The following LHPP variants were observed in gnomAD, a reference collection of about 807,000 sequenced individuals.
LHPP encodes the protein phospholysine phosphohistidine inorganic pyrophosphate phosphatase, also known as hLHPP.
In LHPP, 24 loss-of-function variants were observed where a neutral mutation model predicts 30.3. That is an observed-to-expected ratio of 0.79 (90% CI 0.57 to 1.11). LHPP has a LOEUF of 1.11. Among genes scored for constraint, LHPP ranks in the 50% most tolerant of loss-of-function variants. The probability of loss-of-function intolerance (pLI) is 0.00; values close to 1 mark genes in which losing one functional copy is unlikely to be tolerated. For synonymous variants in LHPP, 150 were observed against 157.1 expected (o/e 0.95, Z 0.34); for missense variants, 356 against 367.2 (o/e 0.97, Z 0.25).
At chr10:124,487,377 T>C (rs1953365214) in intron 2 of LHPP, among the ~76,000 whole-genome samples, 1 of 152,236 alleles carries the variant, frequency 6.6e-6, no homozygotes, top group Non-Finnish European at 1.5e-5. Context: ...TATCAGTCTT[T>C]TTAATTCTCA....
At chr10:124,597,446 T>A (rs888931986) in intron 6 of LHPP, among the ~76,000 whole-genome samples, 1 of 152,230 alleles carries the variant, frequency 6.6e-6, no homozygotes, top group Non-Finnish European at 1.5e-5. Context: ...TCAGTGTCAC[T>A]GCCACCTGTC....
intron 5 of LHPP, among the ~76,000 whole-genome samples, chr10:124,499,734 A>G (rs945202224): frequency 3.9e-5 from 6 of 151,986 alleles, no homozygotes; most frequent in Admixed American, 3.9e-4. Context: ...CAGCAGAAGC[A>G]TGGGTTGGGG....
At chr10:124,569,942 C>T (rs990202714) in intron 6 of LHPP, among the ~76,000 whole-genome samples, 4 of 152,196 alleles carry the variant, frequency 2.6e-5, no homozygotes, top group Admixed American at 6.5e-5. Flanking sequence ...GAAGTTTCCC[C>T]GTGCCCCTTC....
intron 1 of LHPP, among the ~76,000 whole-genome samples, chr10:124,476,155 T>C (rs917756736): frequency 4.6e-5 from 7 of 152,042 alleles, no homozygotes; most frequent in Non-Finnish European, 8.8e-5. Flanking sequence ...CTTGACCTCA[T>C]TGCCGTCCCG....
At chr10:124,564,917 A>T (rs2133974389) in intron 6 of LHPP, among the ~76,000 whole-genome samples, 1 of 152,306 alleles carries the variant, frequency 6.6e-6, no homozygotes, top group East Asian at 1.9e-4. Flanking sequence ...GGAATGGAAA[A>T]CCAAACATCT....
chr10:124,463,820 CTTTTT>C (rs35122241), intron 1 of LHPP, among the ~76,000 whole-genome samples: 7 of 120,768 alleles, frequency 5.8e-5, no homozygotes, highest in Non-Finnish European at 8.6e-5. Context: ...ATTTTTTTTT[CTTTTT>C]TTTTTTTTTT....
In LHPP at chr10:124,571,946, G is replaced by C. The variant is rs1005601461; in HGVS notation, c.717-41318G>C. On this transcript the variant is annotated intron_variant, in intron 6 of 6. Transcript: ENST00000368842. ...GAGATTTGAACCAAGACCTAGGGGG[G>C]TGAGTGAGGGGTTGGGGAAGGGAGA... Among the ~76,000 whole-genome samples, 6 of 152,338 alleles carry C rather than the reference G, an allele frequency of 3.9e-5. No homozygotes were observed. In the South Asian group the frequency reaches 6.2e-4, roughly 16 times the overall value.
chr10:124,488,210 C>G (rs1035197408), intron 2 of LHPP, among the ~76,000 whole-genome samples: 2 of 152,138 alleles, frequency 1.3e-5, no homozygotes, highest in African/African-American at 4.8e-5. Flanking sequence ...CCACCTTTCT[C>G]CTCATAAGCC....
chr10:124,555,002 A>G (rs899010851), intron 6 of LHPP, among the ~76,000 whole-genome samples: 2 of 152,220 alleles, frequency 1.3e-5, no homozygotes, highest in African/African-American at 2.4e-5. Flanking sequence ...TGCGGCTGGC[A>G]TTTTAGTCTC....
Position 124,552,251 on chromosome 10 carries a change from G to A in LHPP, c.716+34980G>A, listed in dbSNP as rs377755132. 1.4e-4 allele frequency among the ~76,000 whole-genome samples: 21 copies of A among 152,214 alleles called. No homozygotes were observed. In the East Asian group the frequency reaches 2.7e-3, roughly 20 times the overall value. On this transcript the variant is annotated intron_variant, in intron 6 of 6. Coordinates refer to ENST00000368842, the MANE Select transcript of LHPP (RefSeq NM_022126.4). Reference sequence around the variant, plus strand: ...ACTTTATGTACATTCTTAAATTACCGGATCCCCATTACGGAAACGGAGTCT... The same window carrying A: ...ACTTTATGTACATTCTTAAATTACCAGATCCCCATTACGGAAACGGAGTCT...
rs561159184 is a variant in LHPP, at chr10:124,479,659, G to C, written c.126-4480G>C. Among the ~76,000 whole-genome samples, 25 of 152,296 alleles carry C rather than the reference G, an allele frequency of 1.6e-4. No homozygotes were observed. The South Asian group carries it at 3.7e-3, about 23-fold the overall frequency. ...ACATGGCCTCTTTGTGCATTCATGAGGGTGCTCTCTGGTGTCTCTTCCTCC... is the reference window on the plus strand; with the variant it reads ...ACATGGCCTCTTTGTGCATTCATGACGGTGCTCTCTGGTGTCTCTTCCTCC... On this transcript the variant is annotated intron_variant, in intron 1 of 6. Transcript: ENST00000368842.
intron 5 of LHPP, among the ~76,000 whole-genome samples, chr10:124,506,263 A>ACC (rs539116106): frequency 2.7e-3 from 236 of 86,366 alleles, no homozygotes; most frequent in Middle Eastern, 0.017. Context: ...AAAACAACAA[A>ACC]CCCCCCCCCC....
Position 124,501,407 on chromosome 10 carries a change from G to A in LHPP, c.624+3279G>A, listed in dbSNP as rs149871167. Among the ~76,000 whole-genome samples the A allele has an allele frequency of 2.2e-4, 33 of 151,700 alleles. No individual in the cohort carries two copies. The East Asian group carries it at 6.2e-3, about 28-fold the overall frequency. On this transcript the variant is annotated intron_variant, in intron 5 of 6. Transcript: ENST00000368842. ...ACTTGAGGTCAGGAGTTCGAGATCA[G>A]CCTGGCCAACATGGTGAAACCCCGT...
chr10:124,560,884 A>G (rs961275682), intron 6 of LHPP, among the ~76,000 whole-genome samples: 1 of 152,220 alleles, frequency 6.6e-6, no homozygotes, highest in African/African-American at 2.4e-5. Flanking sequence ...AGAGCATTTT[A>G]GAGACTTCCA....
intron 1 of LHPP, among the ~76,000 whole-genome samples, chr10:124,469,087 A>C (rs541874049): frequency 1.4e-3 from 215 of 152,240 alleles, no homozygotes; most frequent in Non-Finnish European, 2.3e-3. Context: ...TGCGCCTTTC[A>C]TGCTGTGGCC....
At chr10:124,499,423 C>G (rs1367432000) in intron 5 of LHPP, among the ~76,000 whole-genome samples, 1 of 151,742 alleles carries the variant, frequency 6.6e-6, no homozygotes, top group Admixed American at 6.6e-5. Context: ...GCAGGTGGAT[C>G]ACTTGAGGTC....
chr10:124,472,346 C>T (rs1418787599), intron 1 of LHPP, among the ~76,000 whole-genome samples: 3 of 152,128 alleles, frequency 2.0e-5, no homozygotes, highest in African/African-American at 7.2e-5. Context: ...CAGTGAACCA[C>T]ACAACACAGT....
At chr10:124,595,985 C>T (rs901360229) in intron 6 of LHPP, among the ~76,000 whole-genome samples, 6 of 152,156 alleles carry the variant, frequency 3.9e-5, no homozygotes, top group African/African-American at 1.4e-4. Context: ...TAGCCCGTGC[C>T]TTCACCCCCG....
intron 6 of LHPP, among the ~76,000 whole-genome samples, chr10:124,568,671 C>T (rs1262889816): frequency 6.6e-6 from 1 of 152,174 alleles, no homozygotes. Context: ...GTGCAATGGG[C>T]GTGTGCTGGC....
Sources: gnomAD v4.1 joint callset for allele counts (sites outside exome capture counted in the v4.1 genomes callset) on GRCh38, gnomAD v4.1.1 for gene constraint, MANE v1.5 for transcripts, NCBI Gene and HGNC (gene_info 2026-07-23, HGNC 2026-07-21) for gene names.